METTL8: variants seen among roughly 807,000 people sequenced by gnomAD.
METTL8 encodes the protein tRNA N(3)-cytidine methyltransferase METTL8, mitochondrial.
In METTL8, 32 loss-of-function variants were observed where a neutral mutation model predicts 48.7. The ratio of observed to expected loss-of-function variants is 0.66; its 90% CI spans 0.50 to 0.88. METTL8 has a LOEUF of 0.88. Among genes scored for constraint, METTL8 ranks in the 40% least tolerant of loss-of-function variants. The pLI is 0.00. For missense variants in METTL8, 464 were observed against 474.4 expected, an observed-to-expected ratio of 0.98 and a Z score of 0.20; for synonymous variants, 136 against 157.1, an observed-to-expected ratio of 0.87 and a Z score of 1.01.
rs767622841 is a variant in METTL8 at position 171,339,301 on chromosome 2, T to C, written c.489A>G (p.Ser163=). 5 of 1,613,308 alleles carry C rather than the reference T, an allele frequency of 3.1e-6. No homozygotes were observed. The highest frequency in any genetic ancestry group is 3.4e-6 in the Non-Finnish European group (4 of 1,179,510). Residue 163 remains serine (S), a synonymous_variant, in exon 4 of 10, where the codon TCA becomes TCG. Transcript: ENST00000375258. The stretch of plus-strand genomic sequence containing the variant: ...CAGATTCTGTTTTGCTTTGACCTTC[T>C]GAAGAACCAGAACTTTTCTCATAAT... The part of the protein sequence containing the change: ...KNHYEKSSGS[S]EGQSKTESDF...
intron 2 of METTL8, 49 bp downstream of exon 2, chr2:171,391,994 G>A: frequency 6.7e-7 from 1 of 1,493,576 alleles, no homozygotes; most frequent in Non-Finnish European, 9.0e-7. Flanking sequence ...AATACCACTG[G>A]TGATATTTAA....
upstream of METTL8, chr2:171,434,210 G>A (rs1308161671): frequency 2.4e-6 from 1 of 420,008 alleles, no homozygotes; most frequent in African/African-American, 2.1e-5. Context: ...CGCCTGACGG[G>A]AATTGTAGTT....
intron 1 of METTL8, among the ~76,000 whole-genome samples, chr2:171,398,699 C>T: frequency 6.6e-6 from 1 of 152,104 alleles, no homozygotes; most frequent in East Asian, 1.9e-4. Context: ...TTCAGGTACA[C>T]TTGCCACACA....
intron 5 of METTL8, among the ~76,000 whole-genome samples, chr2:171,336,471 G>A (rs1413961310): frequency 1.6e-5 from 2 of 128,692 alleles, no homozygotes; most frequent in East Asian, 2.3e-4. Flanking sequence ...GCGAGATCTC[G>A]GCTCACTGCA....
intron 1 of METTL8, among the ~76,000 whole-genome samples, chr2:171,394,583 T>C (rs1688882752): frequency 6.6e-6 from 1 of 152,214 alleles, no homozygotes; most frequent in African/African-American, 2.4e-5. Context: ...GCAATTTCCC[T>C]ACTTAGGCAG....
At chr2:171,344,936 A>C (rs1301600712) in intron 3 of METTL8, among the ~76,000 whole-genome samples, 1 of 152,260 alleles carries the variant, frequency 6.6e-6, no homozygotes, top group Non-Finnish European at 1.5e-5. Context: ...ATGAGTAAAA[A>C]ATTCAGTATC....
At chr2:171,360,547 T>C (rs1476386614) in intron 2 of METTL8, 34 bp from the exon 3 acceptor site, 5 of 1,581,046 alleles carry the variant, frequency 3.2e-6, no homozygotes, top group Non-Finnish European at 4.3e-6. Context: ...AAATATGCTT[T>C]ATCATTGAAG....
chr2:171,414,816 T>C (rs1473815800), intron 1 of METTL8: 1 of 152,136 alleles, frequency 6.6e-6, no homozygotes, highest in African/African-American at 2.4e-5. Flanking sequence ...TTATCTTGAA[T>C]TGTAGCTCTC....
chr2:171,420,868 T>C lies in METTL8; in HGVS notation c.-13+13015A>G, dbSNP rs1466619263. Reference sequence around the variant, plus strand: ...GCTCATGATTAAAAATCAAAACTTTTAGTGACTGTGAAATGGAAGACAATT... The same window carrying C: ...GCTCATGATTAAAAATCAAAACTTTCAGTGACTGTGAAATGGAAGACAATT... On this transcript the variant is annotated intron_variant, in intron 1 of 9. Transcript: ENST00000375258. 2.6e-5 allele frequency among the ~76,000 whole-genome samples: 4 copies of C among 152,310 alleles called. No individual in the cohort carries two copies. In the East Asian group the frequency reaches 5.8e-4, roughly 22 times the overall value.
At chr2:171,368,022 T>C (rs144462253) in intron 2 of METTL8, among the ~76,000 whole-genome samples, 102 of 152,330 alleles carry the variant, frequency 6.7e-4, no homozygotes, top group Admixed American at 2.2e-3. Context: ...TGCCTTGGAA[T>C]GAAAGAAGGC....
Position 171,356,952 on chromosome 2 carries a change from A to ATG in METTL8, c.235+3469_235+3470insCA. Among the ~76,000 whole-genome samples the ATG allele has an allele frequency of 4.6e-4, 36 of 78,488 alleles. 8 individuals are homozygous for ATG. Among genetic ancestry groups the ATG allele is most frequent in the South Asian group, 2.6e-3 (5 of 1,916 alleles). 51.5% of individuals were successfully genotyped at this position (78,488 alleles called of 152,430 possible). ...CAAATTAGCCTTGTTCAAAGACAAT[A>ATG]TTTTTTTTTTTTTTTTTGAGACAGG... On this transcript the variant is annotated intron_variant, in intron 3 of 9. Transcript: ENST00000375258.
At position 171,356,953 on chromosome 2, in the gene METTL8, T is replaced by TGTTTTTTTTTTG. The variant is rs1553514755; in HGVS notation, c.235+3468_235+3469insCAAAAAAAAAAC. Among the ~76,000 whole-genome samples the TGTTTTTTTTTTG allele has an allele frequency of 1.4e-4, 2 of 14,076 alleles. 1 individual carries two copies. 9.2% of individuals were successfully genotyped at this position (14,076 alleles called of 152,430 possible). On this transcript the variant is annotated intron_variant, in intron 3 of 9. Transcript: ENST00000375258. The stretch of plus-strand genomic sequence containing the variant: ...AAATTAGCCTTGTTCAAAGACAATA[T>TGTTTTTTTTTTG]TTTTTTTTTTTTTTTTGAGACAGGG...
At chr2:171,427,219 T>C (rs1196247687) in intron 1 of METTL8, among the ~76,000 whole-genome samples, 1 of 152,230 alleles carries the variant, frequency 6.6e-6, no homozygotes, top group African/African-American at 2.4e-5. Flanking sequence ...TCTTGAATCT[T>C]GTTCACTTCT....
chr2:171,334,951 G>T (rs1332176928), intron 5 of METTL8, among the ~76,000 whole-genome samples: 1 of 152,208 alleles, frequency 6.6e-6, no homozygotes, highest in Non-Finnish European at 1.5e-5. Flanking sequence ...TGGTCGGAGA[G>T]ACAAGGCATA....
At chr2:171,332,364 T>C (rs1685636048) in intron 5 of METTL8, 1 of 146,850 alleles carries the variant, frequency 6.8e-6, no homozygotes, top group Non-Finnish European at 1.5e-5. Flanking sequence ...CACTACAGCC[T>C]CGACCTCTGG....
chr2:171,434,729 A>G (rs989441374), upstream of METTL8: 13 of 1,410,112 alleles, frequency 9.2e-6, no homozygotes, highest in Non-Finnish European at 1.2e-5. Flanking sequence ...CCGGGGCGGG[A>G]CGGAGGGCCG....
At chr2:171,426,775 A>AC (rs1692465818) in intron 1 of METTL8, among the ~76,000 whole-genome samples, 1 of 152,212 alleles carries the variant, frequency 6.6e-6, no homozygotes, top group Non-Finnish European at 1.5e-5. Context: ...TCTAAAAGTG[A>AC]CTTGCACCTG....
intron 5 of METTL8, among the ~76,000 whole-genome samples, chr2:171,334,410 A>G (rs1210867972): frequency 2.6e-5 from 4 of 152,144 alleles, no homozygotes; most frequent in Admixed American, 6.5e-5. Context: ...TTCTCCCAGC[A>G]AACAGGTGTA....
Position 171,360,500 on chromosome 2 carries a change from A to G in METTL8, c.157T>C (p.Trp53Arg), listed in dbSNP as rs1262500851. ...GCTGCTGCTTCTTCTTCCTTAGACC[A>G]CTGCATGTGATCCCTATTAAAAAAA... is the stretch of plus-strand genomic sequence containing the variant. ...FEHNMWDHMQ[W>R]SKEEEAAARK... Residue 53 changes from tryptophan to arginine, a missense_variant, in exon 3 of 10, where the codon TGG (tryptophan) becomes CGG (arginine). By Grantham distance (101) the Trp-to-Arg change is moderately radical. Coordinates refer to ENST00000375258, the MANE Select transcript of METTL8 (RefSeq NM_001321154.2). 15 of 1,613,392 alleles carry G rather than the reference A, an allele frequency of 9.3e-6. No individual in the cohort carries two copies. Among genetic ancestry groups the G allele is most frequent in the Non-Finnish European group, 1.3e-5 (15 of 1,179,852 alleles).
Sources: gnomAD v4.1 joint callset for allele counts (sites outside exome capture counted in the v4.1 genomes callset) on GRCh38, gnomAD v4.1.1 for gene constraint, MANE v1.5 for transcripts, NCBI Gene and HGNC (gene_info 2026-07-23, HGNC 2026-07-21) for gene names.